Variants in EPPK1 observed in about 807,000 individuals in gnomAD.
EPPK1 encodes epiplakin.
For missense variants in EPPK1, 3,823 were observed against 3,673.3 expected, an observed-to-expected ratio of 1.04 and a Z score of -1.05; for synonymous variants, 1,862 against 1,721.2, an observed-to-expected ratio of 1.08 and a Z score of -2.03.
In EPPK1 at chr8:143,870,653, C is replaced by G. The variant is rs779447022; in HGVS notation, c.2601G>C (p.Leu867=). 9.6e-5 allele frequency: 154 copies of G among 1,606,944 alleles called. No individual in the cohort carries two copies. Among genetic ancestry groups the G allele is most frequent in the Non-Finnish European group, 1.2e-4 (147 of 1,177,620 alleles). Residue 867 remains leucine (L), a synonymous_variant, in exon 2 of 2, where the codon CTG becomes CTC. Coordinates refer to ENST00000615648, the MANE Select transcript of EPPK1 (RefSeq NM_031308.4). The surrounding 1 kb of genome is among the most constrained non-coding windows in gnomAD (Gnocchi z 5.2). Reference sequence around the variant, plus strand: ...CCTGTCTCTGCGTCTCCGCCTCCAGCAGCTTTGCCACCTGCCCCAGCGTGA... The same window carrying G: ...CCTGTCTCTGCGTCTCCGCCTCCAGGAGCTTTGCCACCTGCCCCAGCGTGA... ...REVTLGQVAK[L]LEAETQRQAD...
chr8:143,866,842 G>A lies in EPPK1; in HGVS notation c.6412C>T (p.Gln2138Ter), dbSNP rs751723702. 96 of 1,613,284 alleles carry A rather than the reference G, an allele frequency of 6.0e-5. No individual in the cohort carries two copies. Among genetic ancestry groups the A allele is most frequent in the Non-Finnish European group, 8.1e-5 (95 of 1,179,876 alleles). The change falls in exon 2 of 2, where the codon CAG becomes TAG. Residue 2138 changes from glutamine to a stop codon, truncating the protein, a stop_gained. Transcript: ENST00000615648. LOFTEE classifies it low-confidence loss of function (END_TRUNC). ...TGTGTTCTATACATCCTCACCAGCT[G>A]GAGCTTCTTCTCCTCTGTCACGTAT... ...SEYVTEEKKL[Q>*]LVRMYRTHTR...
In EPPK1 at chr8:143,869,123, C is replaced by T. The variant is rs370174488; in HGVS notation, c.4131G>A (p.Ala1377=). 101 of 1,606,130 alleles carry T rather than the reference C, an allele frequency of 6.3e-5. No individual in the cohort carries two copies. The highest frequency in any genetic ancestry group is 5.7e-4 in the South Asian group (52 of 91,054). Residue 1377 remains alanine (A), a synonymous_variant, in exon 2 of 2, where the codon GCG becomes GCA. Coordinates refer to ENST00000615648, the MANE Select transcript of EPPK1 (RefSeq NM_031308.4). ...CCAGAAGGCCGAGTCTGCAGGCTGC[C>T]GCCTGGGGCAGGTGCACCCCGTGGA... The part of the protein sequence containing the change: ...DPVHGVHLPQ[A]AACRLGLLDT...
Position 143,872,274 on chromosome 8 carries a change from G to A in EPPK1, c.980C>T (p.Thr327Ile). ...PLLEAQAATH[T>I]LVDPITGQRL... ...CTGGCCTGTGATGGGGTCCACCAGG[G>A]TGTGGGTGGCAGCCTGGGCCTCTAG... Residue 327 changes from threonine to isoleucine, a missense_variant, in exon 2 of 2, where the codon ACC becomes ATC. By Grantham distance (89) the Thr-to-Ile change is moderately conservative. Coordinates refer to ENST00000615648, the MANE Select transcript of EPPK1 (RefSeq NM_031308.4). 1.2e-6 allele frequency: 2 copies of A among 1,607,042 alleles called. No homozygotes were observed. Among genetic ancestry groups the A allele is most frequent in the Admixed American group, 3.4e-5 (2 of 59,660 alleles).
At chr8:143,874,007 C>T (rs2130655102) in intron 1 of EPPK1, among the ~76,000 whole-genome samples, 1 of 152,350 alleles carries the variant, frequency 6.6e-6, no homozygotes, top group Middle Eastern at 3.4e-3. Flanking sequence ...CATCTGCGAG[C>T]ACCACGGCCT....
chr8:143,877,689 G>A (rs898043670), intron 1 of EPPK1, among the ~76,000 whole-genome samples: 6 of 152,176 alleles, frequency 3.9e-5, no homozygotes, highest in African/African-American at 1.4e-4. Flanking sequence ...GCCCACACAG[G>A]AGGCAGCAGC....
At position 143,872,709 on chromosome 8, in the gene EPPK1, C is replaced by T. The variant is rs78784610; in HGVS notation, c.545G>A (p.Arg182Gln). The change falls in exon 2 of 2, where the codon CGG becomes CAG. Residue 182 changes from arginine to glutamine, a missense_variant. Transcript: ENST00000615648. Reference protein sequence around the residue: ...EPACHQGLLDRETWHKLSELE... With the variant: ...EPACHQGLLDQETWHKLSELE... The stretch of plus-strand genomic sequence containing the variant: ...CTCTGACAGCTTGTGCCATGTCTCC[C>T]GGTCCAGGAGGCCCTGGTGGCAGGC... 280 of 1,598,112 alleles carry T rather than the reference C, an allele frequency of 1.8e-4. No homozygotes were observed. Among genetic ancestry groups the T allele is most frequent in the Non-Finnish European group, 2.1e-4 (251 of 1,171,524 alleles).
chr8:143,868,235 G>C lies in EPPK1; in HGVS notation c.5019C>G (p.Val1673=). Residue 1673 remains valine, a synonymous_variant, in exon 2 of 2, where the codon GTC becomes GTG. Transcript: ENST00000615648. ...LFQAMQKDLI[V]REHGIRLLEA... ...CCAGCAGGCGGATGCCGTGCTCCCG[G>C]ACGATGAGGTCCTTCTGCATGGCCT... The C allele has an allele frequency of 6.2e-7, 1 of 1,613,186 alleles. No individual in the cohort carries two copies. The highest frequency in any genetic ancestry group is 8.5e-7 in the Non-Finnish European group (1 of 1,180,028).
chr8:143,871,780 T>C lies in EPPK1; in HGVS notation c.1474A>G (p.Ser492Gly). Reference sequence around the variant, plus strand: ...ACAGAGACGGTGGCTGTGGCCGTGCTCAGGGCCTGCCGAGTGCTGTACTTG... The same window carrying C: ...ACAGAGACGGTGGCTGTGGCCGTGCCCAGGGCCTGCCGAGTGCTGTACTTG... ...FIKYSTRQAL[S>G]TATATVSVGK... The change falls in exon 2 of 2, where the codon AGC (serine) becomes GGC (glycine). Residue 492 changes from serine (S) to glycine (G), a missense_variant. Coordinates refer to ENST00000615648, the MANE Select transcript of EPPK1 (RefSeq NM_031308.4). 1 of 1,611,626 alleles carries C rather than the reference T, an allele frequency of 6.2e-7. No individual in the cohort carries two copies. Among genetic ancestry groups the C allele is most frequent in the Non-Finnish European group, 8.5e-7 (1 of 1,179,418 alleles).
intron 1 of EPPK1, among the ~76,000 whole-genome samples, chr8:143,877,553 C>T (rs774097694): frequency 5.3e-4 from 81 of 152,304 alleles, no homozygotes; most frequent in Non-Finnish European, 1.0e-3. Context: ...GTCTGCATCT[C>T]TTGGGTGAGG....
At position 143,869,987 on chromosome 8, in the gene EPPK1, G is replaced by A; in HGVS notation, c.3267C>T (p.Gly1089=). ...GCTGGGCATAGCTCGTGCGCCCCTG[G>A]CCGTCCGGTGTGGGGAAGGTTTCGG... The part of the protein sequence containing the change: ...SSSETFPTPD[G]QGRTSYAQLL... Residue 1089 remains glycine, a synonymous_variant, in exon 2 of 2, where the codon GGC becomes GGT. Transcript: ENST00000615648. 6.2e-7 allele frequency: 1 copy of A among 1,607,778 alleles called. No individual in the cohort carries two copies. Among genetic ancestry groups the A allele is most frequent in the Non-Finnish European group, 8.5e-7 (1 of 1,177,182 alleles).
At position 143,867,992 on chromosome 8, in the gene EPPK1, C is replaced by G. The variant is rs782346762; in HGVS notation, c.5262G>C (p.Leu1754=). Residue 1754 remains leucine, a synonymous_variant, in exon 2 of 2, where the codon CTG becomes CTC. Transcript: ENST00000615648. ...ERCVEDPETG[L]YLLQIIKKGE... ...CTTTCTTTATGATTTGTAGCAGGTACAGGCCCGTCTCGGGGTCCTCCACAC... is the reference window on the plus strand; with the variant it reads ...CTTTCTTTATGATTTGTAGCAGGTAGAGGCCCGTCTCGGGGTCCTCCACAC... 3.3e-5 allele frequency: 53 copies of G among 1,613,686 alleles called. No homozygotes were observed. Among genetic ancestry groups the G allele is most frequent in the Middle Eastern group, 1.6e-4 (1 of 6,062 alleles).
chr8:143,869,115 C>T lies in EPPK1; in HGVS notation c.4139G>A (p.Cys1380Tyr), dbSNP rs782472201. Residue 1380 changes from cysteine (C) to tyrosine (Y), a missense_variant, in exon 2 of 2, where the codon TGC (cysteine) becomes TAC (tyrosine). Coordinates refer to ENST00000615648, the MANE Select transcript of EPPK1 (RefSeq NM_031308.4). ...CTGTGTGTCCAGAAGGCCGAGTCTG[C>T]AGGCTGCCGCCTGGGGCAGGTGCAC... is the stretch of plus-strand genomic sequence containing the variant. ...HGVHLPQAAA[C>Y]RLGLLDTQTS... 3 of 1,606,206 alleles carry T rather than the reference C, an allele frequency of 1.9e-6. No individual in the cohort carries two copies. Among genetic ancestry groups the T allele is most frequent in the Non-Finnish European group, 2.5e-6 (3 of 1,179,666 alleles).
rs1554661830 is a variant in EPPK1 at position 143,873,063 on chromosome 8, C to T, written c.191G>A (p.Gly64Asp). 1 of 1,560,404 alleles carries T rather than the reference C, an allele frequency of 6.4e-7. No individual in the cohort carries two copies. The highest frequency in any genetic ancestry group is 8.7e-7 in the Non-Finnish European group (1 of 1,152,684). ...AQSVYAAMEQGLLPAGLGQAL... is the reference protein window; with the variant it reads ...AQSVYAAMEQDLLPAGLGQAL... ...CTGCCCGAGCCCAGCAGGCAGGAGGCCCTGCTCCATGGCGGCGTAGACACT... is the reference window on the plus strand; with the variant it reads ...CTGCCCGAGCCCAGCAGGCAGGAGGTCCTGCTCCATGGCGGCGTAGACACT... Residue 64 changes from glycine (G) to aspartate (D), a missense_variant, in exon 2 of 2, where the codon GGC becomes GAC. Transcript: ENST00000615648.
Position 143,871,297 on chromosome 8 carries a change from T to C in EPPK1, c.1957A>G (p.Ile653Val). 19 of 1,612,616 alleles carry C rather than the reference T, an allele frequency of 1.2e-5. No individual in the cohort carries two copies. The highest frequency in any genetic ancestry group is 1.5e-5 in the Non-Finnish European group (18 of 1,179,706). The change falls in exon 2 of 2, where the codon ATC (isoleucine) becomes GTC (valine). Residue 653 changes from isoleucine to valine, a missense_variant. Physicochemically the swap from Ile to Val is conservative, Grantham distance 29. Transcript: ENST00000615648. ...LLEAQAATGF[I>V]IDPKANKGHS... ...CCCTTGTTTGCTTTTGGGTCGATGA[T>C]GAAGCCTGTGGCAGCTTGTGCCTCC...
In EPPK1 at chr8:143,866,698, G is replaced by A. The variant is rs1241139498; in HGVS notation, c.6556C>T (p.Leu2186Phe). 3 of 1,613,386 alleles carry A rather than the reference G, an allele frequency of 1.9e-6. No individual in the cohort carries two copies. The highest frequency in any genetic ancestry group is 2.7e-5 in the African/African-American group (2 of 75,062). ...TCCGTGATTATGGCTGAGCTGAGGAGTTCAGAAGCTGTGATCTGTCGTCTA... is the reference window on the plus strand; with the variant it reads ...TCCGTGATTATGGCTGAGCTGAGGAATTCAGAAGCTGTGATCTGTCGTCTA... The part of the protein sequence containing the change: ...GIRRQITASE[L>F]LSSAIITEEM... The change falls in exon 2 of 2, where the codon CTC (leucine) becomes TTC (phenylalanine). Residue 2186 changes from leucine (L) to phenylalanine (F), a missense_variant. Leu to Phe is a conservative substitution (Grantham distance 22). Transcript: ENST00000615648.
At position 143,857,698 on chromosome 8, in the gene EPPK1, A is replaced by T. The variant is rs1166051254; in HGVS notation, c.*289T>A. ...ACATTCTGTAAAATGGAAGCAGTGA[A>T]TCCAAAACAGACAGAAAAATGTTCT... is the stretch of plus-strand genomic sequence containing the variant. On this transcript the variant is annotated 3_prime_UTR_variant, in exon 2 of 2. Coordinates refer to ENST00000615648, the MANE Select transcript of EPPK1 (RefSeq NM_031308.4). 2.6e-6 allele frequency: 1 copy of T among 385,322 alleles called. No homozygotes were observed. The highest frequency in any genetic ancestry group is 2.1e-5 in the African/African-American group (1 of 48,106). The allele number at this position is 385,322 out of a possible 1,614,324, so 23.9% of individuals were successfully genotyped here.
chr8:143,867,180 A>G lies in EPPK1; in HGVS notation c.6074T>C (p.Leu2025Pro), dbSNP rs1412635359. Residue 2025 changes from leucine (L) to proline (P), a missense_variant, in exon 2 of 2, where the codon CTC becomes CCC. Physicochemically the swap from Leu to Pro is moderately conservative, Grantham distance 98. Transcript: ENST00000615648. Reference protein sequence around the residue: ...GVIDPQHHHRLPLETAYRRGC... With the variant: ...GVIDPQHHHRPPLETAYRRGC... Reference sequence around the variant, plus strand: ...CCGTCTGTAGGCTGTTTCCAGTGGGAGCCGGTGGTGGTGCTGTGGGTCGAT... The same window carrying G: ...CCGTCTGTAGGCTGTTTCCAGTGGGGGCCGGTGGTGGTGCTGTGGGTCGAT... 6.2e-7 allele frequency: 1 copy of G among 1,612,474 alleles called. No homozygotes were observed. Among genetic ancestry groups the G allele is most frequent in the Non-Finnish European group, 8.5e-7 (1 of 1,179,722 alleles).
At position 143,867,182 on chromosome 8, in the gene EPPK1, C is replaced by T. The variant is rs781803762; in HGVS notation, c.6072G>A (p.Arg2024=). The T allele has an allele frequency of 6.2e-7, 1 of 1,612,744 alleles. No individual in the cohort carries two copies. The highest frequency in any genetic ancestry group is 1.1e-5 in the South Asian group (1 of 91,056). ...GTCTGTAGGCTGTTTCCAGTGGGAG[C>T]CGGTGGTGGTGCTGTGGGTCGATGA... ...GGVIDPQHHH[R]LPLETAYRRG... is the part of the protein sequence containing the mutation. Residue 2024 remains arginine (R), a synonymous_variant, in exon 2 of 2, where the codon CGG becomes CGA. Coordinates refer to ENST00000615648, the MANE Select transcript of EPPK1 (RefSeq NM_031308.4).
rs782653009 is a variant in EPPK1 at position 143,867,204 on chromosome 8, A to G, written c.6050T>C (p.Ile2017Thr). 3.1e-6 allele frequency: 5 copies of G among 1,612,626 alleles called. No homozygotes were observed. The South Asian group carries it at 5.5e-5, about 18-fold the overall frequency. ...GAGCCGGTGGTGGTGCTGTGGGTCG[A>G]TGACACCCCCCGTGGCCACCTGCAC... is the stretch of plus-strand genomic sequence containing the variant. The part of the protein sequence containing the change: ...LEVQVATGGV[I>T]DPQHHHRLPL... The change falls in exon 2 of 2, where the codon ATC becomes ACC. Residue 2017 changes from isoleucine to threonine, a missense_variant. Transcript: ENST00000615648.
Sources: allele counts gnomAD v4.1 joint callset (sites outside exome capture counted in the v4.1 genomes callset), GRCh38; gene constraint gnomAD v4.1.1; non-coding constraint Gnocchi (gnomAD v3.1); transcripts MANE v1.5; gene names NCBI Gene and HGNC (gene_info 2026-07-23, HGNC 2026-07-21).